The following RTKN2 variants were observed in gnomAD, a reference collection of about 807,000 sequenced individuals.
RTKN2 encodes the protein rhotekin 2.
RTKN2 carries 69 observed loss-of-function variants against 71.5 expected under a neutral mutation model. That is an observed-to-expected ratio of 0.96 (90% CI 0.79 to 1.18). The LOEUF is 1.18. RTKN2 is among the 50% of genes most tolerant of loss of function. RTKN2 has a pLI of 0.00. For missense variants in RTKN2, 724 were observed against 719.7 expected (o/e 1.01, Z -0.07); for synonymous variants, 236 against 236.5 (o/e 1.00, Z 0.02).
intron 9 of RTKN2, among the ~76,000 whole-genome samples, chr10:62,205,669 CA>C (rs1409312554): frequency 1.3e-5 from 2 of 152,154 alleles, no homozygotes; most frequent in Non-Finnish European, 2.9e-5. Context: ...AACACTACCA[CA>C]AGGACAATGG....
chr10:62,268,504 A>T, intron 1 of RTKN2, 47 bp downstream of exon 1: 1 of 1,524,870 alleles, frequency 6.6e-7, no homozygotes, highest in Non-Finnish European at 8.9e-7. Context: ...GAGGAACAGA[A>T]CCCCGGCTCC....
intron 8 of RTKN2, among the ~76,000 whole-genome samples, chr10:62,187,486 G>A (rs1841155823): frequency 6.6e-6 from 1 of 152,078 alleles, no homozygotes; most frequent in African/African-American, 2.4e-5. Context: ...GTGTACTGAA[G>A]AGAATTACAC....
At chr10:62,238,870 TTTATA>T (rs1185896336) in intron 5 of RTKN2, 1 of 152,058 alleles carries the variant, frequency 6.6e-6, no homozygotes, top group Admixed American at 6.6e-5. Flanking sequence ...CACATGGATT[TTTATA>T]TTAATAGTTA....
intron 6 of RTKN2, among the ~76,000 whole-genome samples, chr10:62,225,384 C>G (rs1202506369): frequency 1.3e-5 from 2 of 152,192 alleles, no homozygotes; most frequent in Admixed American, 6.5e-5. Context: ...CTCACTCAAC[C>G]TCTCCCAGTT....
rs1409772403 is a variant in RTKN2, at chr10:62,197,091, T to C, written c.*817A>G. The stretch of plus-strand genomic sequence containing the variant: ...GATATTTTTGAATCTCTCATCTTCT[T>C]TTTAAATAAGTATTAAATGAATTTT... On this transcript the variant is annotated 3_prime_UTR_variant, in exon 12 of 12. Transcript: ENST00000373789. 1.0e-6 allele frequency: 1 copy of C among 980,232 alleles called. No homozygotes were observed. Among genetic ancestry groups the C allele is most frequent in the Non-Finnish European group, 1.2e-6 (1 of 825,262 alleles). The allele number at this position is 980,232 out of a possible 1,614,324, so 60.7% of individuals were successfully genotyped here. A position where few individuals can be genotyped will look rare whatever the true frequency, so the allele number is the denominator to read the frequency against.
chr10:62,234,494 T>TA (rs10639375), intron 6 of RTKN2, among the ~76,000 whole-genome samples: 3,078 of 142,474 alleles, frequency 0.022, 97 homozygotes, highest in African/African-American at 0.069. Context: ...AGACTTGTCT[T>TA]AAAAAAAAAA....
intron 6 of RTKN2, among the ~76,000 whole-genome samples, chr10:62,235,175 C>T (rs188438574): frequency 7.9e-5 from 12 of 152,178 alleles, no homozygotes; most frequent in African/African-American, 1.9e-4. Context: ...ACTTAAAAGA[C>T]TCACTTTAAT....
Position 62,262,734 on chromosome 10 carries a change from G to C in RTKN2, c.148C>G (p.Gln50Glu). Reference protein sequence around the residue: ...KLLSLSTQKDQVLHAVKNLMV... With the variant: ...KLLSLSTQKDEVLHAVKNLMV... Reference sequence around the variant, plus strand: ...AGATTCTTAACTGCATGTAAAACTTGATCTTTCTGAGTGCTCAGAGAAAGG... The same window carrying C: ...AGATTCTTAACTGCATGTAAAACTTCATCTTTCTGAGTGCTCAGAGAAAGG... The change falls in exon 2 of 12, where the codon CAA becomes GAA. Residue 50 changes from glutamine to glutamate, a missense_variant. Transcript: ENST00000373789. 6.2e-7 allele frequency: 1 copy of C among 1,612,936 alleles called. No homozygotes were observed. Among genetic ancestry groups the C allele is most frequent in the South Asian group, 1.1e-5 (1 of 91,040 alleles).
chr10:62,218,181 T>C lies in RTKN2; in HGVS notation c.888+14A>G, dbSNP rs750168049. 6.5e-7 allele frequency: 1 copy of C among 1,540,406 alleles called. No individual in the cohort carries two copies. On this transcript the variant is annotated intron_variant, in intron 8 of 11. Transcript: ENST00000373789. ...AGAGCTACAATTGTTGTAGGATATT[T>C]AAAGTCCTCTAACCTGCTGATTAAG...
At chr10:62,239,445 C>A in intron 5 of RTKN2, 2 of 372,668 alleles carry the variant, frequency 5.4e-6, no homozygotes, top group South Asian at 4.8e-5. Flanking sequence ...ACAAGATTTC[C>A]ATTTTTATTT....
chr10:62,254,452 A>G (rs1489273802), intron 2 of RTKN2, among the ~76,000 whole-genome samples: 1 of 151,782 alleles, frequency 6.6e-6, no homozygotes, highest in Non-Finnish European at 1.5e-5. Context: ...AGTCAATTAA[A>G]CCTCTTTTCT....
At chr10:62,264,448 C>A (rs1024679875) in intron 1 of RTKN2, among the ~76,000 whole-genome samples, 4 of 152,196 alleles carry the variant, frequency 2.6e-5, no homozygotes, top group Non-Finnish European at 4.4e-5. Context: ...AACTCCATTT[C>A]ATCTTTTTAT....
At chr10:62,233,237 T>C (rs1405884316) in intron 6 of RTKN2, among the ~76,000 whole-genome samples, 1 of 152,180 alleles carries the variant, frequency 6.6e-6, no homozygotes, top group Non-Finnish European at 1.5e-5. Flanking sequence ...ACTTAAAAAA[T>C]GTAAAACTTA....
intron 9 of RTKN2, among the ~76,000 whole-genome samples, chr10:62,211,103 C>CT (rs995923711): frequency 5.9e-5 from 9 of 151,912 alleles, no homozygotes; most frequent in African/African-American, 2.2e-4. Flanking sequence ...AAGACTCACA[C>CT]TTTTTTTTAA....
rs958411439 is a variant in RTKN2, at chr10:62,193,966, G to T, written c.*3942C>A. On this transcript the variant is annotated 3_prime_UTR_variant, in exon 12 of 12. Transcript: ENST00000373789. ...TCTACTTCAATCAGTCTAGTCTAGA[G>T]GAGCACTTAAAGAGAAAAAGTTAGA... 1 of 984,846 alleles carries T rather than the reference G, an allele frequency of 1.0e-6. No homozygotes were observed. Among genetic ancestry groups the T allele is most frequent in the Non-Finnish European group, 1.2e-6 (1 of 829,578 alleles). The allele number at this position is 984,846 out of a possible 1,614,324, so 61.0% of individuals were successfully genotyped here.
chr10:62,191,439 C>G (rs1841221912), downstream of RTKN2, among the ~76,000 whole-genome samples: 1 of 152,208 alleles, frequency 6.6e-6, no homozygotes, highest in South Asian at 2.1e-4. Context: ...GCCACCGTGC[C>G]CAGCCTTAAC....
chr10:62,185,678 C>G (rs1198314167), intron 8 of RTKN2, among the ~76,000 whole-genome samples: 1 of 152,110 alleles, frequency 6.6e-6, no homozygotes, highest in Non-Finnish European at 1.5e-5. Context: ...GGTGAGACAT[C>G]AAAGGAAAAA....
rs1204266445 is a variant in RTKN2 at position 62,217,202 on chromosome 10, C to T, written c.936G>A (p.Leu312=). Residue 312 remains leucine, a synonymous_variant, in exon 9 of 12, where the codon TTG becomes TTA. Transcript: ENST00000373789. ...AAAAACAATAGAGTTTACCTCCTCG[C>T]AAAACACAATACAACCTTCTCCAAC... ...LISWRRLYCV[L]RGGKLYCFYS... 3.1e-6 allele frequency: 5 copies of T among 1,598,214 alleles called. No individual in the cohort carries two copies. In the African/African-American group the frequency reaches 5.5e-5, roughly 17 times the overall value.
rs760136341 is a variant in RTKN2, at chr10:62,268,491, C to A, written c.60+60G>T. ...TCCCGACTCCTCCACAAAGCAAATG[C>A]GCGAGGAACAGAACCCCGGCTCCCT... On this transcript the variant is annotated intron_variant, in intron 1 of 11. Transcript: ENST00000373789. 181 of 1,468,852 alleles carry A rather than the reference C, an allele frequency of 1.2e-4. 1 individual carries two copies. Among genetic ancestry groups the A allele is most frequent in the East Asian group, 4.9e-5 (2 of 40,530 alleles). 91.0% of individuals were successfully genotyped at this position (1,468,852 alleles called of 1,614,324 possible).
Sources: gnomAD v4.1 joint callset for allele counts (sites outside exome capture counted in the v4.1 genomes callset) on GRCh38, gnomAD v4.1.1 for gene constraint, MANE v1.5 for transcripts, NCBI Gene and HGNC (gene_info 2026-07-23, HGNC 2026-07-21) for gene names.